GABRG3: variants seen among roughly 807,000 people sequenced by gnomAD.
GABRG3 encodes the protein gamma-aminobutyric acid type A receptor subunit gamma3.
In GABRG3, 25 loss-of-function variants were observed where a neutral mutation model predicts 48.8. The ratio of observed to expected loss-of-function variants is 0.51; its 90% CI spans 0.37 to 0.72. The LOEUF (loss-of-function observed/expected upper bound fraction) is 0.72. Ranked by LOEUF, GABRG3 falls within the 30% of genes least tolerant of loss-of-function variation. The pLI is 0.00. For missense variants in GABRG3, 394 were observed against 577.9 expected (o/e 0.68, Z 3.26); for synonymous variants, 227 against 217.6 (o/e 1.04, Z -0.38).
At position 27,527,500 on chromosome 15, in the gene GABRG3, C is replaced by G; in HGVS notation, c.933C>G (p.Ser311=). The G allele has an allele frequency of 6.2e-7, 1 of 1,613,964 alleles. No individual in the cohort carries two copies. The highest frequency in any genetic ancestry group is 8.5e-7 in the Non-Finnish European group (1 of 1,179,902). The change falls in exon 8 of 10, where the codon TCC becomes TCG. Residue 311 remains serine, a synonymous_variant. Transcript: ENST00000615808. ...TIARKSLPRV[S]YVTAMDLFVT... is the part of the protein sequence containing the mutation. ...CCAGGAAGTCCTTGCCACGCGTGTCCTACGTGACCGCCATGGACCTTTTTG... is the reference window on the plus strand; with the variant it reads ...CCAGGAAGTCCTTGCCACGCGTGTCGTACGTGACCGCCATGGACCTTTTTG...
At chr15:27,188,278 T>TA (rs1888167358) in intron 3 of GABRG3, among the ~76,000 whole-genome samples, 2 of 152,302 alleles carry the variant, frequency 1.3e-5, no homozygotes, top group South Asian at 4.1e-4. Context: ...GTATTTCTAG[T>TA]TCTAGATCCC....
chr15:27,333,091 A>G (rs1368718591), intron 5 of GABRG3, among the ~76,000 whole-genome samples: 1 of 152,050 alleles, frequency 6.6e-6, no homozygotes, highest in East Asian at 1.9e-4. Flanking sequence ...TTTGATATGG[A>G]CTCTTGGACA....
intron 2 of GABRG3, among the ~76,000 whole-genome samples, chr15:26,995,041 G>A (rs1017604601): frequency 6.6e-6 from 1 of 152,048 alleles, no homozygotes; most frequent in Non-Finnish European, 1.5e-5. Context: ...ATTACTGAAA[G>A]TGGAGAATTA....
intron 5 of GABRG3, among the ~76,000 whole-genome samples, chr15:27,376,341 C>T (rs1433994924): frequency 3.3e-5 from 5 of 152,188 alleles, no homozygotes; most frequent in African/African-American, 4.8e-5. Flanking sequence ...AGTGGATCTC[C>T]CATCCTGGGG....
chr15:27,019,698 T>G (rs1595475839), intron 2 of GABRG3, among the ~76,000 whole-genome samples: 1 of 152,100 alleles, frequency 6.6e-6, no homozygotes, highest in African/African-American at 2.4e-5. Flanking sequence ...GACTCTTAGT[T>G]TAGGGAAAGG....
At chr15:27,175,324 A>G (rs754150193) in intron 3 of GABRG3, among the ~76,000 whole-genome samples, 1 of 152,148 alleles carries the variant, frequency 6.6e-6, no homozygotes, top group Non-Finnish European at 1.5e-5. Flanking sequence ...TGTCCCTTGC[A>G]TCATCCACAG....
chr15:27,231,009 ATGTGTGTGTGTGTGTGTG>A lies in GABRG3; in HGVS notation c.271-95777_271-95760del, dbSNP rs3068361. Among the ~76,000 whole-genome samples, 11 of 143,406 alleles carry A rather than the reference ATGTGTGTGTGTGTGTGTG, an allele frequency of 7.7e-5. No individual in the cohort carries two copies. The Admixed American group carries it at 7.8e-4, about 10-fold the overall frequency. 94.1% of individuals were successfully genotyped at this position (143,406 alleles called of 152,430 possible). On this transcript the variant is annotated intron_variant, in intron 3 of 9. Transcript: ENST00000615808. ...GTTGAGCCAAGTTTAAAACAGTAAA[ATGTGTGTGTGTGTGTGTG>A]TGTGTGTGTGTGTGTGTGTGTGATT...
At chr15:27,408,245 C>T (rs1887696351) in intron 5 of GABRG3, among the ~76,000 whole-genome samples, 1 of 152,144 alleles carries the variant, frequency 6.6e-6, no homozygotes, top group African/African-American at 2.4e-5. Context: ...TTTGCCAGGT[C>T]TCAGAAATTG....
At chr15:27,316,379 C>T (rs1387028858) in intron 3 of GABRG3, among the ~76,000 whole-genome samples, 4 of 133,136 alleles carry the variant, frequency 3.0e-5, no homozygotes, top group South Asian at 4.8e-4. Context: ...CAGAGCGAGA[C>T]TCCGTCTCAA....
chr15:27,308,732 CATACGTTTATATGTAAACAT>C lies in GABRG3; in HGVS notation c.271-18073_271-18054del, dbSNP rs1424239192. ...CGTTTATATGTAAACATAATGTAAA[CATACGTTTATATGTAAACAT>C]ATAATGTAAACATACGTTTATATAT... On this transcript the variant is annotated intron_variant, in intron 3 of 9. Coordinates refer to ENST00000615808, the MANE Select transcript of GABRG3 (RefSeq NM_033223.5). 1.9e-3 allele frequency among the ~76,000 whole-genome samples: 278 copies of C among 149,432 alleles called. 1 individual carries two copies. Among genetic ancestry groups the C allele is most frequent in the African/African-American group, 5.4e-3 (221 of 41,228 alleles).
intron 5 of GABRG3, among the ~76,000 whole-genome samples, chr15:27,427,288 T>C (rs1357452485): frequency 6.6e-6 from 1 of 152,176 alleles, no homozygotes; most frequent in Non-Finnish European, 1.5e-5. Flanking sequence ...AAATTTGAGG[T>C]ATATATTTTC....
At chr15:27,520,481 A>C (rs1891132767) in intron 7 of GABRG3, among the ~76,000 whole-genome samples, 2 of 151,398 alleles carry the variant, frequency 1.3e-5, no homozygotes, top group South Asian at 4.2e-4. Flanking sequence ...CACACCTCTG[A>C]GGACTGAAGA....
intron 2 of GABRG3, among the ~76,000 whole-genome samples, chr15:26,990,102 C>G (rs1895220118): frequency 6.6e-6 from 1 of 152,194 alleles, no homozygotes; most frequent in Non-Finnish European, 1.5e-5. Flanking sequence ...GAAGATATCT[C>G]TTCCATATAC....
intron 5 of GABRG3, among the ~76,000 whole-genome samples, chr15:27,478,813 T>C (rs1321557292): frequency 6.6e-6 from 1 of 152,178 alleles, no homozygotes; most frequent in East Asian, 1.9e-4. Flanking sequence ...TATTTGGCAA[T>C]AAATGAGAAT....
intron 3 of GABRG3, among the ~76,000 whole-genome samples, chr15:27,200,799 G>C (rs1282154476): frequency 1.3e-5 from 2 of 152,126 alleles, no homozygotes; most frequent in Non-Finnish European, 2.9e-5. Context: ...CTCGAGCCCA[G>C]GTGTGCTACC....
intron 5 of GABRG3, among the ~76,000 whole-genome samples, chr15:27,385,909 C>G (rs1192625799): frequency 1.3e-5 from 2 of 152,118 alleles, no homozygotes; most frequent in Non-Finnish European, 2.9e-5. Context: ...TGACTTTCCC[C>G]CTATGCATGG....
chr15:27,298,910 A>C (rs901169147), intron 3 of GABRG3, among the ~76,000 whole-genome samples: 2 of 151,838 alleles, frequency 1.3e-5, no homozygotes, highest in Non-Finnish European at 2.9e-5. Flanking sequence ...TTTTTTATCC[A>C]GCAGCAAAAA....
rs1892414819 is a variant in GABRG3 at position 27,306,131 on chromosome 15, T to C, written c.271-20678T>C. ...AACATATATAATATAAACCTATATG[T>C]TTATATATAAACATATATAATATAA... On this transcript the variant is annotated intron_variant, in intron 3 of 9. Coordinates refer to ENST00000615808, the MANE Select transcript of GABRG3 (RefSeq NM_033223.5). 1.6e-5 allele frequency among the ~76,000 whole-genome samples: 2 copies of C among 127,420 alleles called. 1 individual carries two copies. Among genetic ancestry groups the C allele is most frequent in the African/African-American group, 5.9e-5 (2 of 34,040 alleles). The allele number at this position is 127,420 out of a possible 152,430, so 83.6% of individuals were successfully genotyped here.
intron 3 of GABRG3, among the ~76,000 whole-genome samples, chr15:27,185,971 C>T (rs1337938625): frequency 6.6e-6 from 1 of 150,478 alleles, no homozygotes; most frequent in African/African-American, 2.4e-5. Flanking sequence ...TATGCAGTTG[C>T]ATCAAGGTTT....
Sources: gnomAD v4.1 joint callset for allele counts (sites outside exome capture counted in the v4.1 genomes callset) on GRCh38, gnomAD v4.1.1 for gene constraint, MANE v1.5 for transcripts, NCBI Gene and HGNC (gene_info 2026-07-23, HGNC 2026-07-21) for gene names.